Variants in NIN observed in about 807,000 individuals in gnomAD.
NIN encodes the protein ninein, also known as glycogen synthase kinase 3 beta-interacting protein.
In NIN, 137 loss-of-function variants were observed where a neutral mutation model predicts 257.6. The ratio of observed to expected loss-of-function variants is 0.53; its 90% confidence interval spans 0.46 to 0.61. The LOEUF (loss-of-function observed/expected upper bound fraction) is 0.61. Among genes scored for constraint, NIN ranks in the 20% least tolerant of loss-of-function variants. NIN has a pLI of 0.00. For missense variants in NIN, 2,439 were observed against 2,501.2 expected (o/e 0.98, Z 0.53); for synonymous variants, 918 against 919.8 (o/e 1.00, Z 0.04).
chr14:50,766,278 C>A, intron 14 of NIN, 29 bp downstream of exon 14: 1 of 1,573,144 alleles, frequency 6.4e-7, no homozygotes, highest in Non-Finnish European at 8.8e-7. Flanking sequence ...GGCACTCCTG[C>A]ACTTACTCAG....
At chr14:50,801,161 G>C (rs2044087183) in intron 4 of NIN, among the ~76,000 whole-genome samples, 1 of 144,670 alleles carries the variant, frequency 6.9e-6, no homozygotes, top group South Asian at 2.2e-4. Flanking sequence ...TGCGATCTCA[G>C]CTCACTGCAA....
chr14:50,753,377 G>T (rs1050327361), intron 20 of NIN, among the ~76,000 whole-genome samples: 3 of 152,138 alleles, frequency 2.0e-5, no homozygotes, highest in Non-Finnish European at 4.4e-5. Context: ...TCCAGCCTGG[G>T]CAACAAGAGC....
chr14:50,817,176 G>T (rs1219559975), intron 3 of NIN, among the ~76,000 whole-genome samples: 1 of 152,148 alleles, frequency 6.6e-6, no homozygotes, highest in Non-Finnish European at 1.5e-5. Context: ...CCACAAATCA[G>T]AGACAACCAG....
chr14:50,780,410 G>A (rs563955051), intron 5 of NIN, among the ~76,000 whole-genome samples: 17 of 152,326 alleles, frequency 1.1e-4, no homozygotes, highest in African/African-American at 4.1e-4. Context: ...AGGAAAGTCA[G>A]CCTAATTAAT....
rs200441923 is a variant in NIN, at chr14:50,729,689, G to A, written c.5912C>T (p.Pro1971Leu). 162 of 1,612,056 alleles carry A rather than the reference G, an allele frequency of 1.0e-4. No individual in the cohort carries two copies. Among genetic ancestry groups the A allele is most frequent in the Admixed American group, 2.5e-4 (15 of 59,862 alleles). Reference protein sequence around the residue: ...QHLRSTATPSPSPHAWDLQLL... With the variant: ...QHLRSTATPSLSPHAWDLQLL... ...CTGCAAATCCCAAGCATGAGGGGAC[G>A]GGCTAGGCGTCGCAGTGGACCTCAG... Residue 1971 changes from proline (P) to leucine (L), a missense_variant, in exon 29 of 31, where the codon CCG (proline) becomes CTG (leucine). By Grantham distance (98) the Pro-to-Leu change is moderately conservative (BLOSUM62 -3). Around this residue, in one of 3 missense-constraint regions of NIN, gnomAD observed 2,043 missense variants for 2,050.2 expected, o/e 1.00. Coordinates refer to ENST00000530997, the MANE Select transcript of NIN (RefSeq NM_020921.4).
Position 50,821,874 on chromosome 14 carries a change from C to T in NIN, c.183G>A (p.Arg61=). 1 of 1,612,712 alleles carries T rather than the reference C, an allele frequency of 6.2e-7. No individual in the cohort carries two copies. Among genetic ancestry groups the T allele is most frequent in the Non-Finnish European group, 8.5e-7 (1 of 1,179,140 alleles). The change falls in exon 3 of 31, where the codon AGG becomes AGA. Residue 61 remains arginine, a splice_region_variant and synonymous_variant. Coordinates refer to ENST00000530997, the MANE Select transcript of NIN (RefSeq NM_020921.4). ...QTLLQDNLLG[R]VHFDQFKEAL... ...AGCCACGTTCTTCCCCAGACCTTAC[C>T]CTGCCCAAGAGGTTGTCCTGAAGTA...
rs371712980 is a variant in NIN at position 50,766,982 on chromosome 14, G to A, written c.1435-92C>T. 1,507 of 806,278 alleles carry A rather than the reference G, an allele frequency of 1.9e-3. 40 individuals are homozygous for A. The South Asian group carries it at 0.022, about 12-fold the overall frequency. The allele number at this position is 806,278 out of a possible 1,614,324, so 49.9% of individuals were successfully genotyped here. On this transcript the variant is annotated intron_variant, in intron 12 of 30. Coordinates refer to ENST00000530997, the MANE Select transcript of NIN (RefSeq NM_020921.4). ...ATATACAGCATAAATCAGTACCGTAGATTAAAGATGTTTATCTATCTTAAA... is the reference window on the plus strand; with the variant it reads ...ATATACAGCATAAATCAGTACCGTAAATTAAAGATGTTTATCTATCTTAAA...
chr14:50,801,280 G>A (rs1322845152), intron 4 of NIN, among the ~76,000 whole-genome samples: 4 of 152,030 alleles, frequency 2.6e-5, no homozygotes, highest in South Asian at 2.1e-4. Context: ...TAGTAGAGAC[G>A]GGGTTTCACC....
chr14:50,746,180 A>G (rs1487688791), intron 22 of NIN, among the ~76,000 whole-genome samples: 1 of 152,172 alleles, frequency 6.6e-6, no homozygotes, highest in Non-Finnish European at 1.5e-5. Flanking sequence ...TTTGAAACCA[A>G]TCATTATCAT....
At chr14:50,822,592 G>C (rs1217647681) in intron 2 of NIN, among the ~76,000 whole-genome samples, 3 of 152,210 alleles carry the variant, frequency 2.0e-5, no homozygotes, top group Non-Finnish European at 4.4e-5. Context: ...GGTCAGCGTG[G>C]CCAAGCTGAT....
At chr14:50,772,585 G>GA (rs2042779072) in intron 8 of NIN, 117 bp from the exon 9 acceptor site, 2 of 891,030 alleles carry the variant, frequency 2.2e-6, no homozygotes, top group Admixed American at 2.5e-5. Context: ...ACAGTGCCAG[G>GA]AAAAAAGTCA....
Position 50,760,002 on chromosome 14 carries a change from C to T in NIN, c.2254G>A (p.Glu752Lys), listed in dbSNP as rs749425445. Residue 752 changes from glutamate to lysine, a missense_variant, in exon 17 of 31, where the codon GAA becomes AAA. This residue lies in a region of NIN where 2,043 missense variants were observed against 2,050.2 expected (regional missense o/e 1.00). Coordinates refer to ENST00000530997, the MANE Select transcript of NIN (RefSeq NM_020921.4). Reference sequence around the variant, plus strand: ...TGAGTCAAGCCTCTCACCTTCTCTTCTGTCCAGGCGCTACTCTGAAGGCCT... The same window carrying T: ...TGAGTCAAGCCTCTCACCTTCTCTTTTGTCCAGGCGCTACTCTGAAGGCCT... ...REGLQSSAWT[E>K]EKVRGLTQEL... 6.2e-7 allele frequency: 1 copy of T among 1,614,238 alleles called. No individual in the cohort carries two copies. The highest frequency in any genetic ancestry group is 1.3e-5 in the African/African-American group (1 of 75,062).
intron 2 of NIN, among the ~76,000 whole-genome samples, chr14:50,827,964 C>A: frequency 7.0e-6 from 1 of 143,614 alleles, no homozygotes. Context: ...CTCAGGTTAG[C>A]TACAGGAAAA....
chr14:50,778,029 A>T (rs1292933488), intron 6 of NIN, among the ~76,000 whole-genome samples: 1 of 152,202 alleles, frequency 6.6e-6, no homozygotes. Context: ...AAGTACAGTT[A>T]ATCCACAGAG....
rs1369644859 is a variant in NIN, at chr14:50,786,312, A to ATGAACACTAATTCT, written c.435+6399_435+6400insAGAATTAGTGTTCA. 2.6e-5 allele frequency among the ~76,000 whole-genome samples: 4 copies of ATGAACACTAATTCT among 151,260 alleles called. No individual in the cohort carries two copies. The East Asian group carries it at 7.8e-4, about 29-fold the overall frequency. On this transcript the variant is annotated intron_variant, in intron 5 of 30. Transcript: ENST00000530997. ...TAGGACAGAAAATGTTACTGTCATC[A>ATGAACACTAATTCT]TGAACATTAATTCTTGACTTCTTGT...
intron 2 of NIN, 121 bp from the exon 3 acceptor site, chr14:50,822,198 C>T: frequency 1.4e-6 from 1 of 714,960 alleles, no homozygotes; most frequent in Non-Finnish European, 2.4e-6. Flanking sequence ...TCGGGAACAC[C>T]CAGTTTCTGA....
chr14:50,732,684 A>G (rs967383934), intron 28 of NIN, among the ~76,000 whole-genome samples: 1 of 152,110 alleles, frequency 6.6e-6, no homozygotes, highest in African/African-American at 2.4e-5. Context: ...ACTACATAAT[A>G]TGTGAATTAT....
At chr14:50,765,604 A>G (rs901003147) in intron 14 of NIN, among the ~76,000 whole-genome samples, 1 of 152,054 alleles carries the variant, frequency 6.6e-6, no homozygotes, top group Non-Finnish European at 1.5e-5. Flanking sequence ...TTTAAAATCA[A>G]AGATTCTTGT....
intron 3 of NIN, among the ~76,000 whole-genome samples, chr14:50,807,897 A>G (rs2044401897): frequency 6.6e-6 from 1 of 152,230 alleles, no homozygotes; most frequent in South Asian, 2.1e-4. Flanking sequence ...ACACTCTTCC[A>G]AAGTATATGT....
Sources: allele counts gnomAD v4.1 joint callset (sites outside exome capture counted in the v4.1 genomes callset), GRCh38; gene constraint gnomAD v4.1.1; regional missense constraint gnomAD v4.1.1; transcripts MANE v1.5; gene names NCBI Gene and HGNC (gene_info 2026-07-23, HGNC 2026-07-21).